The following RABEP1 variants were observed in gnomAD, a reference collection of about 807,000 sequenced individuals.
RABEP1 encodes the protein rabaptin, RAB GTPase binding effector protein 1, also known as rab GTPase-binding effector protein 1.
A neutral mutation model predicts 123.4 loss-of-function variants in RABEP1; 51 were observed. The ratio of observed to expected loss-of-function variants is 0.41; its 90% CI spans 0.33 to 0.52. The LOEUF (loss-of-function observed/expected upper bound fraction) is 0.52, where lower values mean the gene tolerates loss of function less well. Among genes scored for constraint, RABEP1 ranks in the 20% least tolerant of loss-of-function variants. The pLI is 0.16. For missense variants in RABEP1, 888 were observed against 996.3 expected, an observed-to-expected ratio of 0.89 and a Z score of 1.46; for synonymous variants, 347 against 355.2, an observed-to-expected ratio of 0.98 and a Z score of 0.26.
In RABEP1 at chr17:5,384,921, G is replaced by A. The variant is rs1169670244; in HGVS notation, c.*1698G>A. On this transcript the variant is annotated 3_prime_UTR_variant, in exon 18 of 18. Coordinates refer to ENST00000537505, the MANE Select transcript of RABEP1 (RefSeq NM_004703.6). The stretch of plus-strand genomic sequence containing the variant: ...CTAGTCCCTTGGATAAGCCCCAAGC[G>A]AATTTGTCTTCAGATTATTAAAATT... 14 of 224,482 alleles carry A rather than the reference G, an allele frequency of 6.2e-5. No individual in the cohort carries two copies. Among genetic ancestry groups the A allele is most frequent in the Non-Finnish European group, 1.2e-4 (13 of 112,850 alleles). The allele number at this position is 224,482 out of a possible 1,614,324, so 13.9% of individuals were successfully genotyped here.
Position 5,361,277 on chromosome 17 carries a change from C to A in RABEP1, c.1165C>A (p.Pro389Thr). 1 of 1,614,168 alleles carries A rather than the reference C, an allele frequency of 6.2e-7. No individual in the cohort carries two copies. Among genetic ancestry groups the A allele is most frequent in the Non-Finnish European group, 8.5e-7 (1 of 1,180,036 alleles). ...AGGCTTGCTGTTGCCATCTGGAGATCCTTTCAGTAAATCGGACAATGACAT... is the reference window on the plus strand; with the variant it reads ...AGGCTTGCTGTTGCCATCTGGAGATACTTTCAGTAAATCGGACAATGACAT... ...DAGLLLPSGD[P>T]FSKSDNDMFK... The change falls in exon 9 of 18, where the codon CCT (proline) becomes ACT (threonine). Residue 389 changes from proline (P) to threonine (T), a missense_variant. Pro to Thr is a conservative substitution (Grantham distance 38). Coordinates refer to ENST00000537505, the MANE Select transcript of RABEP1 (RefSeq NM_004703.6).
chr17:5,340,259 G>A (rs1244497849), intron 5 of RABEP1, among the ~76,000 whole-genome samples: 3 of 152,112 alleles, frequency 2.0e-5, no homozygotes, highest in Non-Finnish European at 4.4e-5. Context: ...AGTAGCCTGG[G>A]TTACCTTGGG....
chr17:5,299,747 T>TTTTTTTTTTTTTTTTA (rs2075119279), intron 1 of RABEP1, among the ~76,000 whole-genome samples: 1 of 123,346 alleles, frequency 8.1e-6, no homozygotes. Flanking sequence ...TTTTTTTTTT[T>TTTTTTTTTTTTTTTTA]GGAGGCAGAG....
intron 2 of RABEP1, among the ~76,000 whole-genome samples, chr17:5,317,508 C>T (rs2075309701): frequency 6.6e-6 from 1 of 151,950 alleles, no homozygotes; most frequent in Admixed American, 6.6e-5. Flanking sequence ...AAATCAGAAA[C>T]AGGACAATTA....
Position 5,385,124 on chromosome 17 carries a change from C to A in RABEP1, c.*1901C>A. On this transcript the variant is annotated 3_prime_UTR_variant, in exon 18 of 18. Transcript: ENST00000537505. The stretch of plus-strand genomic sequence containing the variant: ...TTAGTGGTCTCTACTGTGGCAAATG[C>A]CAACTGTTGGAATTCACTTTATTGT... The A allele has an allele frequency of 8.7e-6, 2 of 229,282 alleles. No individual in the cohort carries two copies. Among genetic ancestry groups the A allele is most frequent in the East Asian group, 1.2e-4 (2 of 16,030 alleles). The allele number at this position is 229,282 out of a possible 1,614,324, so 14.2% of individuals were successfully genotyped here.
intron 1 of RABEP1, among the ~76,000 whole-genome samples, chr17:5,287,605 A>AGC (rs2074991754): frequency 3.2e-5 from 4 of 125,176 alleles, no homozygotes; most frequent in South Asian, 5.5e-4. Context: ...TCGCAAAAAA[A>AGC]AAAAAAAAAA....
At chr17:5,304,661 C>T (rs1423893263) in intron 1 of RABEP1, among the ~76,000 whole-genome samples, 2 of 151,692 alleles carry the variant, frequency 1.3e-5, no homozygotes, top group African/African-American at 2.4e-5. Flanking sequence ...GCAACAAATA[C>T]GGGATGTGTG....
intron 2 of RABEP1, among the ~76,000 whole-genome samples, chr17:5,324,941 T>C (rs1905823067): frequency 1.3e-5 from 2 of 152,202 alleles, no homozygotes; most frequent in African/African-American, 4.8e-5. Flanking sequence ...CTGTGGAGAA[T>C]AGTATGGAGG....
At chr17:5,331,624 A>G (rs1274615802) in intron 2 of RABEP1, among the ~76,000 whole-genome samples, 1 of 152,230 alleles carries the variant, frequency 6.6e-6, no homozygotes, top group African/African-American at 2.4e-5. Context: ...TATCATTACA[A>G]CAACCTTGTG....
chr17:5,381,570 TCC>T, intron 17 of RABEP1, 65 bp downstream of exon 17: 6 of 1,543,584 alleles, frequency 3.9e-6, no homozygotes, highest in Non-Finnish European at 4.4e-6. Context: ...ACCTTGCCGA[TCC>T]CTGACTTGAC....
In RABEP1 at chr17:5,384,722, A is replaced by G. The variant is rs1911798725; in HGVS notation, c.*1499A>G. ...GGTTATGAATTTAAAAATAAATACC[A>G]ATTATGGAAATAGTACTAAAGGCTT... On this transcript the variant is annotated 3_prime_UTR_variant, in exon 18 of 18. Coordinates refer to ENST00000537505, the MANE Select transcript of RABEP1 (RefSeq NM_004703.6). 9.5e-6 allele frequency: 2 copies of G among 210,918 alleles called. No individual in the cohort carries two copies. The highest frequency in any genetic ancestry group is 1.9e-5 in the Non-Finnish European group (2 of 104,820). 13.1% of individuals were successfully genotyped at this position (210,918 alleles called of 1,614,324 possible).
At chr17:5,380,580 A>G (rs775245621) in intron 16 of RABEP1, 118 bp downstream of exon 16, 48 of 860,952 alleles carry the variant, frequency 5.6e-5, no homozygotes, top group South Asian at 3.6e-4. Flanking sequence ...AAAAGTTGGC[A>G]AAACTGACAG....
rs878937698 is a variant in RABEP1, at chr17:5,378,054, C to T, written c.2216-123C>T. The T allele has an allele frequency of 1.2e-5, 8 of 676,240 alleles. No homozygotes were observed. The South Asian group carries it at 1.2e-4, about 10-fold the overall frequency. 41.9% of individuals were successfully genotyped at this position (676,240 alleles called of 1,614,324 possible). A position where few individuals can be genotyped will look rare whatever the true frequency, so the allele number is the denominator to read the frequency against. ...TTGCTTGGTGGTAATTTTGAGACAG[C>T]CCCCGGAACCCATGTTCAGCATACA... On this transcript the variant is annotated intron_variant, in intron 14 of 17. Coordinates refer to ENST00000537505, the MANE Select transcript of RABEP1 (RefSeq NM_004703.6).
chr17:5,354,054 C>T (rs1908796423), intron 7 of RABEP1, among the ~76,000 whole-genome samples: 1 of 151,310 alleles, frequency 6.6e-6, no homozygotes. Flanking sequence ...TTTTTTTTTT[C>T]AAGGATCATT....
At position 5,332,556 on chromosome 17, in the gene RABEP1, A is replaced by G. The variant is rs918103818; in HGVS notation, c.367+404A>G. Among the ~76,000 whole-genome samples, 4 of 150,992 alleles carry G rather than the reference A, an allele frequency of 2.6e-5. 1 individual carries two copies. The highest frequency in any genetic ancestry group is 2.0e-4 in the Admixed American group (3 of 15,152). On this transcript the variant is annotated intron_variant, in intron 3 of 17. Coordinates refer to ENST00000537505, the MANE Select transcript of RABEP1 (RefSeq NM_004703.6). Reference sequence around the variant, plus strand: ...TGTTTACATTGATGAGCTTCAGCTAATTATTGCCCTTCCAGTGTAGTTTGG... The same window carrying G: ...TGTTTACATTGATGAGCTTCAGCTAGTTATTGCCCTTCCAGTGTAGTTTGG...
At chr17:5,312,056 A>G (rs2075248416) in intron 2 of RABEP1, among the ~76,000 whole-genome samples, 2 of 152,206 alleles carry the variant, frequency 1.3e-5, no homozygotes, top group Non-Finnish European at 2.9e-5. Flanking sequence ...TCTGTCTTCA[A>G]TTTTGTTGAA....
chr17:5,382,988 A>G (rs1011808649), intron 17 of RABEP1, 134 bp from the exon 18 acceptor site: 11 of 676,726 alleles, frequency 1.6e-5, no homozygotes, highest in African/African-American at 3.6e-5. Context: ...TAAAATTTTT[A>G]ATTGTTCTTG....
chr17:5,368,362 T>C lies in RABEP1; in HGVS notation c.1786-8T>C, dbSNP rs769860051. The C allele has an allele frequency of 6.3e-7, 1 of 1,594,670 alleles. No homozygotes were observed. Among genetic ancestry groups the C allele is most frequent in the East Asian group, 2.2e-5 (1 of 44,800 alleles). On this transcript the variant is annotated splice_region_variant and splice_polypyrimidine_tract_variant and intron_variant, in intron 11 of 17. Transcript: ENST00000537505. ...TAACTATGTTTCTATACATGTGTTTTTTTAAAGATCTCTGCACTCGTCCTA... is the reference window on the plus strand; with the variant it reads ...TAACTATGTTTCTATACATGTGTTTCTTTAAAGATCTCTGCACTCGTCCTA...
At chr17:5,302,993 TAAAAC>T (rs750948000) in intron 1 of RABEP1, among the ~76,000 whole-genome samples, 8 of 152,214 alleles carry the variant, frequency 5.3e-5, no homozygotes, top group African/African-American at 1.9e-4. Context: ...AAATAATTCT[TAAAAC>T]AAGAAAGATA....
Sources: allele counts gnomAD v4.1 joint callset (sites outside exome capture counted in the v4.1 genomes callset), GRCh38; gene constraint gnomAD v4.1.1; transcripts MANE v1.5; gene names NCBI Gene and HGNC (gene_info 2026-07-23, HGNC 2026-07-21).